Variants in YAP1 observed in about 807,000 individuals in gnomAD.
YAP1 encodes the protein transcriptional coactivator YAP1.
Under a neutral mutation model 56.9 loss-of-function variants are expected in YAP1, and 5 were observed. That is an observed-to-expected ratio of 0.09 (90% confidence interval 0.05 to 0.18). The LOEUF (loss-of-function observed/expected upper bound fraction) is 0.18. YAP1 is among the 10% of genes least tolerant of loss of function. The pLI, the probability that YAP1 is intolerant of heterozygous loss-of-function variation, is 1.00. For missense variants in YAP1, 539 were observed against 651.8 expected, an observed-to-expected ratio of 0.83 and a Z score of 1.88; for synonymous variants, 265 against 248.1, an observed-to-expected ratio of 1.07 and a Z score of -0.64.
chr11:102,125,020 G>A (rs1943942638), intron 2 of YAP1, among the ~76,000 whole-genome samples: 1 of 151,956 alleles, frequency 6.6e-6, no homozygotes, highest in Non-Finnish European at 1.5e-5. Context: ...TTACAGGGAT[G>A]AGCCACCGTG....
chr11:102,149,427 A>C (rs1945500177), intron 2 of YAP1, among the ~76,000 whole-genome samples: 1 of 152,228 alleles, frequency 6.6e-6, no homozygotes, highest in Admixed American at 6.5e-5. Context: ...AAAGGGTTCA[A>C]AATGAATGTT....
chr11:102,160,719 C>T (rs1002362808), intron 2 of YAP1, among the ~76,000 whole-genome samples: 14 of 152,102 alleles, frequency 9.2e-5, no homozygotes, highest in South Asian at 2.1e-4. Context: ...GCCAGTAGTA[C>T]GAGAATTTGC....
In YAP1 at chr11:102,110,537, GC is replaced by G. The variant is rs1240831941; in HGVS notation, c.-311del. ...AAAGAGAAAGGGGAGGCGGGGAAAG[GC>G]AACGAGCTGTCCGGCCTCCGTCAAG... On this transcript the variant is annotated 5_prime_UTR_variant, in exon 1 of 9. Coordinates refer to ENST00000282441, the MANE Select transcript of YAP1 (RefSeq NM_001130145.3). 1.1e-5 allele frequency: 2 copies of G among 187,806 alleles called. No homozygotes were observed. Among genetic ancestry groups the G allele is most frequent in the Non-Finnish European group, 2.2e-5 (2 of 91,898 alleles). The allele number at this position is 187,806 out of a possible 1,614,324, so 11.6% of individuals were successfully genotyped here. A position where few individuals can be genotyped will look rare whatever the true frequency, so the allele number is the denominator to read the frequency against.
At chr11:102,163,930 C>T (rs1460955649) in intron 3 of YAP1, among the ~76,000 whole-genome samples, 1 of 152,100 alleles carries the variant, frequency 6.6e-6, no homozygotes, top group Admixed American at 6.6e-5. Flanking sequence ...CTTTTCTTGA[C>T]ATAGACTTTA....
intron 2 of YAP1, among the ~76,000 whole-genome samples, chr11:102,132,664 A>G (rs1365940470): frequency 1.3e-5 from 2 of 152,118 alleles, no homozygotes; most frequent in Non-Finnish European, 2.9e-5. Flanking sequence ...TGCTGGTTGA[A>G]AGGGATTGTT....
chr11:102,167,873 A>G (rs916897560), intron 3 of YAP1, among the ~76,000 whole-genome samples: 2 of 152,152 alleles, frequency 1.3e-5, no homozygotes, highest in African/African-American at 4.8e-5. Flanking sequence ...CCCCATCTGT[A>G]TTAAAAATAA....
intron 4 of YAP1, among the ~76,000 whole-genome samples, chr11:102,196,812 CT>C (rs1239081593): frequency 6.6e-6 from 1 of 151,820 alleles, no homozygotes; most frequent in Non-Finnish European, 1.5e-5. Context: ...TGAGAAATAC[CT>C]TTTGTATATT....
At chr11:102,225,436 G>A (rs964463193) in intron 7 of YAP1, among the ~76,000 whole-genome samples, 1 of 152,198 alleles carries the variant, frequency 6.6e-6, no homozygotes, top group Non-Finnish European at 1.5e-5. Context: ...GGTGAGCCGA[G>A]ATCATGCCGT....
chr11:102,127,821 C>T (rs563015060), intron 2 of YAP1, among the ~76,000 whole-genome samples: 11 of 152,228 alleles, frequency 7.2e-5, no homozygotes, highest in African/African-American at 9.6e-5. Context: ...ACCACAGGGG[C>T]GGAGCTGCCC....
chr11:102,211,658 C>G (rs181634275), intron 6 of YAP1, among the ~76,000 whole-genome samples: 1 of 151,498 alleles, frequency 6.6e-6, no homozygotes. Flanking sequence ...TCTAAATAAC[C>G]TTAAGGTAGA....
At chr11:102,165,649 T>G (rs1946562116) in intron 3 of YAP1, among the ~76,000 whole-genome samples, 1 of 152,056 alleles carries the variant, frequency 6.6e-6, no homozygotes, top group Non-Finnish European at 1.5e-5. Flanking sequence ...TAGAAGGTAT[T>G]TAACAATAAT....
chr11:102,175,977 T>G (rs1947223913), intron 3 of YAP1, among the ~76,000 whole-genome samples: 1 of 152,158 alleles, frequency 6.6e-6, no homozygotes, highest in Admixed American at 6.5e-5. Flanking sequence ...AGAACTTGAT[T>G]AGGGATTGTT....
chr11:102,134,296 C>T (rs1944542363), intron 2 of YAP1, among the ~76,000 whole-genome samples: 1 of 151,956 alleles, frequency 6.6e-6, no homozygotes, highest in Admixed American at 6.6e-5. Context: ...TATTATCATA[C>T]TTAATCTGTT....
chr11:102,127,079 A>G (rs959209883), intron 2 of YAP1, among the ~76,000 whole-genome samples: 3 of 152,266 alleles, frequency 2.0e-5, no homozygotes, highest in African/African-American at 7.2e-5. Flanking sequence ...ATTTAGTTTT[A>G]TAAAGGAAGC....
At chr11:102,165,384 CTT>C (rs1374569074) in intron 3 of YAP1, among the ~76,000 whole-genome samples, 1 of 151,940 alleles carries the variant, frequency 6.6e-6, no homozygotes, top group Non-Finnish European at 1.5e-5. Flanking sequence ...AAATTTTTGT[CTT>C]GTTTGTAAAA....
At chr11:102,203,942 G>A (rs1949001440) in intron 4 of YAP1, among the ~76,000 whole-genome samples, 1 of 152,124 alleles carries the variant, frequency 6.6e-6, no homozygotes, top group African/African-American at 2.4e-5. Flanking sequence ...AAAAAGAACA[G>A]AAAAAATAGA....
In YAP1 at chr11:102,111,175, C is replaced by G. The variant is rs769978883; in HGVS notation, c.321+6C>G. On this transcript the variant is annotated splice_donor_region_variant and intron_variant, in intron 1 of 8. Coordinates refer to ENST00000282441, the MANE Select transcript of YAP1 (RefSeq NM_001130145.3). ...CCAAATCCCACTCCCGACAGGTAAC[C>G]TCGTTGCCCCTCTCCCCGTTTCCCC... 15 of 1,611,308 alleles carry G rather than the reference C, an allele frequency of 9.3e-6. No homozygotes were observed. The highest frequency in any genetic ancestry group is 1.1e-5 in the Non-Finnish European group (13 of 1,178,666).
chr11:102,191,040 G>A (rs547678865), intron 4 of YAP1, among the ~76,000 whole-genome samples: 4 of 152,066 alleles, frequency 2.6e-5, no homozygotes, highest in Admixed American at 1.3e-4. Flanking sequence ...TGGGCTGGTG[G>A]CACGCACCTA....
intron 6 of YAP1, among the ~76,000 whole-genome samples, chr11:102,211,351 TTAG>T (rs558303223): frequency 1.0e-3 from 158 of 152,326 alleles, no homozygotes; most frequent in Admixed American, 3.1e-3. Flanking sequence ...GTGAGGCTTA[TTAG>T]TAGTAAAGCT....
Sources: allele counts gnomAD v4.1 joint callset (sites outside exome capture counted in the v4.1 genomes callset), GRCh38; gene constraint gnomAD v4.1.1; transcripts MANE v1.5; gene names NCBI Gene and HGNC (gene_info 2026-07-23, HGNC 2026-07-21).